UNC13C: variants seen among roughly 807,000 people sequenced by gnomAD.
UNC13C encodes the protein unc-13 homolog C.
In UNC13C, 174 loss-of-function variants were observed where a neutral mutation model predicts 245.4. The observed-to-expected ratio is 0.71, with a 90% CI of 0.63 to 0.80. UNC13C has a LOEUF of 0.80. Ranked by LOEUF, UNC13C falls within the 30% of genes least tolerant of loss-of-function variation. The pLI, the probability that UNC13C is intolerant of heterozygous loss-of-function variation, is 0.00. For missense variants in UNC13C, 2,829 were observed against 2,602.9 expected (o/e 1.09, Z -1.89); for synonymous variants, 992 against 895.1 (o/e 1.11, Z -1.93).
At chr15:54,354,329 G>C (rs2039047245) in intron 17 of UNC13C, among the ~76,000 whole-genome samples, 1 of 152,146 alleles carries the variant, frequency 6.6e-6, no homozygotes, top group Non-Finnish European at 1.5e-5. Flanking sequence ...TAAATTCACT[G>C]ACCAGACAGG....
chr15:54,332,775 A>T (rs1419634092), intron 15 of UNC13C, among the ~76,000 whole-genome samples: 2 of 152,056 alleles, frequency 1.3e-5, no homozygotes, highest in Admixed American at 1.3e-4. Context: ...GCTCTCTTGT[A>T]TCTTACATTC....
chr15:54,236,322 G>C, intron 5 of UNC13C, 108 bp from the exon 6 acceptor site: 2 of 830,424 alleles, frequency 2.4e-6, no homozygotes, highest in Non-Finnish European at 3.9e-6. Flanking sequence ...TCACTATGTG[G>C]AAATAATTGT....
chr15:54,473,082 C>T (rs887453035), intron 19 of UNC13C, among the ~76,000 whole-genome samples: 1 of 151,716 alleles, frequency 6.6e-6, no homozygotes, highest in Non-Finnish European at 1.5e-5. Flanking sequence ...GTACCTAATG[C>T]TCAGCTCCCA....
intron 2 of UNC13C, among the ~76,000 whole-genome samples, chr15:54,069,347 TG>T (rs1230744326): frequency 9.2e-5 from 14 of 152,182 alleles, no homozygotes; most frequent in African/African-American, 3.1e-4. Context: ...CTGTCTCCTT[TG>T]TATCACAGTG....
intron 17 of UNC13C, among the ~76,000 whole-genome samples, chr15:54,351,835 A>G (rs1165505953): frequency 6.6e-6 from 1 of 152,056 alleles, no homozygotes; most frequent in African/African-American, 2.4e-5. Context: ...TTACAACTCA[A>G]CTAATTATAA....
intron 23 of UNC13C, among the ~76,000 whole-genome samples, chr15:54,509,664 GT>G (rs145927161): frequency 0.016 from 2,446 of 152,182 alleles, 40 homozygotes; most frequent in Non-Finnish European, 0.025. Context: ...TTAGGGTAAT[GT>G]TTCCTTTGCT....
chr15:54,580,358 G>A (rs1898145683), intron 30 of UNC13C, among the ~76,000 whole-genome samples: 1 of 152,186 alleles, frequency 6.6e-6, no homozygotes, highest in Non-Finnish European at 1.5e-5. Flanking sequence ...TATGTTAAAT[G>A]GCATAAAAAT....
chr15:53,934,742 C>T, the UNC13C span, among the ~76,000 whole-genome samples: 3 of 152,174 alleles, frequency 2.0e-5, no homozygotes, highest in Non-Finnish European at 2.9e-5. Context: ...GGCACCGACA[C>T]AGTCAGTGTC....
the UNC13C span, among the ~76,000 whole-genome samples, chr15:53,841,172 C>T: frequency 1.2e-4 from 19 of 152,176 alleles, no homozygotes; most frequent in South Asian, 2.9e-3. Flanking sequence ...TGGGGAATTA[C>T]AGATCCCTAT....
At chr15:54,481,664 G>C (rs551600288) in intron 19 of UNC13C, among the ~76,000 whole-genome samples, 129 of 152,104 alleles carry the variant, frequency 8.5e-4, no homozygotes, top group African/African-American at 3.0e-3. Flanking sequence ...ATGGGACAAG[G>C]ATGGGCCTGT....
At chr15:54,495,641 C>T (rs901880640) in intron 20 of UNC13C, among the ~76,000 whole-genome samples, 1 of 151,712 alleles carries the variant, frequency 6.6e-6, no homozygotes, top group Non-Finnish European at 1.5e-5. Flanking sequence ...AGGCATATTT[C>T]CATTTTTATA....
chr15:54,484,119 G>A (rs1893279933), intron 19 of UNC13C, among the ~76,000 whole-genome samples: 1 of 148,696 alleles, frequency 6.7e-6, no homozygotes, highest in African/African-American at 2.6e-5. Flanking sequence ...CTGATGATTA[G>A]CTACACAGTT....
intron 29 of UNC13C, among the ~76,000 whole-genome samples, chr15:54,557,373 A>G (rs1340720704): frequency 6.6e-6 from 1 of 151,858 alleles, no homozygotes; most frequent in Non-Finnish European, 1.5e-5. Flanking sequence ...CTGCCAAGGT[A>G]TTCACCTGAT....
At chr15:54,172,272 CAAAG>C (rs2033428263) in intron 4 of UNC13C, among the ~76,000 whole-genome samples, 1 of 151,918 alleles carries the variant, frequency 6.6e-6, no homozygotes, top group African/African-American at 2.4e-5. Flanking sequence ...GTTTGTAACA[CAAAG>C]AAAGCATACA....
intron 2 of UNC13C, among the ~76,000 whole-genome samples, chr15:54,038,124 A>ATATATATATTTTTTTTTTTTTTTTT: frequency 6.7e-5 from 3 of 45,032 alleles, no homozygotes; most frequent in South Asian, 1.2e-3. Flanking sequence ...ATATATATAT[A>ATATATATATTTTTTTTTTTTTTTTT]TTTTTTTTTT....
At chr15:54,414,505 G>A (rs1484326476) in intron 18 of UNC13C, among the ~76,000 whole-genome samples, 1 of 152,060 alleles carries the variant, frequency 6.6e-6, no homozygotes, top group African/African-American at 2.4e-5. Flanking sequence ...AAATTAGCCG[G>A]GCATGGTGGC....
chr15:53,935,687 G>A, the UNC13C span, among the ~76,000 whole-genome samples: 4 of 152,160 alleles, frequency 2.6e-5, no homozygotes, highest in Non-Finnish European at 1.5e-5. Context: ...AGCAGGGTGG[G>A]GTGATGGCCC....
chr15:53,932,449 G>A, the UNC13C span, among the ~76,000 whole-genome samples: 1 of 152,192 alleles, frequency 6.6e-6, no homozygotes, highest in African/African-American at 2.4e-5. Context: ...AACCTGTGAT[G>A]TTAAAATTAA....
chr15:54,303,995 C>T (rs968384820), intron 13 of UNC13C, among the ~76,000 whole-genome samples: 1 of 152,004 alleles, frequency 6.6e-6, no homozygotes, highest in Non-Finnish European at 1.5e-5. Context: ...ATTTATAAAT[C>T]TCAGGAAAGG....
Sources: gnomAD v4.1 joint callset for allele counts (sites outside exome capture counted in the v4.1 genomes callset) on GRCh38, gnomAD v4.1.1 for gene constraint, MANE v1.5 for transcripts, NCBI Gene and HGNC (gene_info 2026-07-23, HGNC 2026-07-21) for gene names.